The following TMPRSS11B variants were observed in gnomAD, a reference collection of about 807,000 sequenced individuals.
TMPRSS11B encodes the protein transmembrane serine protease 11B.
A neutral mutation model predicts 44.7 loss-of-function variants in TMPRSS11B; 53 were observed. The ratio of observed to expected loss-of-function variants is 1.19; its 90% CI spans 0.95 to 1.49. The LOEUF (loss-of-function observed/expected upper bound fraction) is 1.49, where lower values mean the gene tolerates loss of function less well. Ranked by LOEUF, TMPRSS11B falls within the 40% of genes most tolerant of loss-of-function variation. The pLI is 0.00. For synonymous variants in TMPRSS11B, 140 were observed against 159.2 expected (o/e 0.88, Z 0.91); for missense variants, 526 against 494.8 (o/e 1.06, Z -0.60).
chr4:68,229,146 A>C, intron 8 of TMPRSS11B, 111 bp downstream of exon 8: 1 of 1,188,010 alleles, frequency 8.4e-7, no homozygotes, highest in Non-Finnish European at 1.2e-6. Flanking sequence ...TTTTCTTTTC[A>C]GTATATTTAC....
chr4:68,232,558 G>T, intron 5 of TMPRSS11B, 142 bp from the exon 6 acceptor site: 1 of 665,770 alleles, frequency 1.5e-6, no homozygotes, highest in East Asian at 2.8e-5. Flanking sequence ...GGTATTTTCA[G>T]CCCCTCTGAC....
At position 68,242,960 on chromosome 4, in the gene TMPRSS11B, T is replaced by G. The variant is rs369567927; in HGVS notation, c.9-1156A>C. On this transcript the variant is annotated intron_variant, in intron 1 of 9. Transcript: ENST00000332644. ...TGTTTTATCATCAAAGCCAATCAAT[T>G]AGTTGAAACAGAATTAGAAAATATG... Among the ~76,000 whole-genome samples, 8 of 152,318 alleles carry G rather than the reference T, an allele frequency of 5.3e-5. 2 individuals carry two copies. Among genetic ancestry groups the G allele is most frequent in the African/African-American group, 1.9e-4 (8 of 41,580 alleles).
At chr4:68,243,414 T>C (rs938333060) in intron 1 of TMPRSS11B, among the ~76,000 whole-genome samples, 2 of 152,178 alleles carry the variant, frequency 1.3e-5, no homozygotes, top group African/African-American at 4.8e-5. Context: ...TTCACTCTGT[T>C]CCACATTCTT....
At chr4:68,242,216 AATATTATATTATATTATAT>A (rs1391065403) in intron 1 of TMPRSS11B, among the ~76,000 whole-genome samples, 35 of 73,134 alleles carry the variant, frequency 4.8e-4, no homozygotes, top group Non-Finnish European at 6.8e-4. Context: ...TAATATATAT[AATATTATATTATATTATAT>A]ATATTATATT....
rs1479678028 is a variant in TMPRSS11B at position 68,227,462 on chromosome 4, A to G, written c.*449T>C. The G allele has an allele frequency of 1.5e-5, 2 of 132,138 alleles. No homozygotes were observed. The highest frequency in any genetic ancestry group is 5.8e-5 in the African/African-American group (2 of 34,680). 8.2% of individuals were successfully genotyped at this position (132,138 alleles called of 1,614,324 possible). Reference sequence around the variant, plus strand: ...CACTCTGTTGCCCAGGCTGGAGTGCAGTGGTGGCGCAATCACAAATCACCA... The same window carrying G: ...CACTCTGTTGCCCAGGCTGGAGTGCGGTGGTGGCGCAATCACAAATCACCA... On this transcript the variant is annotated 3_prime_UTR_variant, in exon 10 of 10. Transcript: ENST00000332644.
intron 1 of TMPRSS11B, 137 bp from the exon 2 acceptor site, chr4:68,241,941 T>A (rs1719837199): frequency 5.0e-6 from 3 of 602,572 alleles, no homozygotes; most frequent in East Asian, 2.8e-5. Flanking sequence ...AAACCTCAAA[T>A]GCCTCAAAGA....
At chr4:68,236,091 T>C in intron 3 of TMPRSS11B, 22 bp from the exon 4 acceptor site, 1 of 1,574,214 alleles carries the variant, frequency 6.4e-7, no homozygotes, top group Non-Finnish European at 8.6e-7. Flanking sequence ...AAAAAAACAG[T>C]CATCATGTAT....
At chr4:68,244,488 T>G (rs1488005311) in intron 1 of TMPRSS11B, among the ~76,000 whole-genome samples, 1 of 152,118 alleles carries the variant, frequency 6.6e-6, no homozygotes, top group Non-Finnish European at 1.5e-5. Context: ...CAGCCGGGTG[T>G]GGTGGTGAGC....
chr4:68,235,918 TG>T (rs1719649766), intron 4 of TMPRSS11B, 83 bp downstream of exon 4: 1 of 672,372 alleles, frequency 1.5e-6, no homozygotes, highest in South Asian at 3.6e-5. Context: ...GTTTGTTTTT[TG>T]TTGTTATTGT....
intron 4 of TMPRSS11B, among the ~76,000 whole-genome samples, chr4:68,235,664 G>T (rs532857691): frequency 1.3e-5 from 2 of 152,198 alleles, no homozygotes; most frequent in Middle Eastern, 3.4e-3. Context: ...TGTTTTCCCT[G>T]GAGTTATAAT....
intron 5 of TMPRSS11B, 43 bp from the exon 6 acceptor site, chr4:68,232,459 T>C: frequency 1.3e-6 from 2 of 1,576,304 alleles, no homozygotes; most frequent in Non-Finnish European, 1.7e-6. Context: ...TGAGCAAATA[T>C]CACCAAGCAA....
chr4:68,245,601 A>G lies in TMPRSS11B; in HGVS notation c.-43T>C, dbSNP rs2109968416. 4 of 1,608,750 alleles carry G rather than the reference A, an allele frequency of 2.5e-6. No homozygotes were observed. The highest frequency in any genetic ancestry group is 1.7e-5 in the Admixed American group (1 of 59,896). ...GGCAGTATCAGGTATAACGGTGGTA[A>G]TGATGATGACGAAGATAACGATAAC... On this transcript the variant is annotated 5_prime_UTR_variant, in exon 1 of 10. Coordinates refer to ENST00000332644, the MANE Select transcript of TMPRSS11B (RefSeq NM_182502.3).
chr4:68,238,444 C>T (rs942031667), intron 2 of TMPRSS11B, among the ~76,000 whole-genome samples: 2 of 151,858 alleles, frequency 1.3e-5, no homozygotes, highest in Non-Finnish European at 2.9e-5. Context: ...TAAATTGCAG[C>T]CTGGTGCGGT....
At chr4:68,245,059 G>A (rs1462078608) in intron 1 of TMPRSS11B, among the ~76,000 whole-genome samples, 4 of 152,176 alleles carry the variant, frequency 2.6e-5, no homozygotes, top group Non-Finnish European at 4.4e-5. Context: ...CAGAAAGGAA[G>A]TCATTGGAAA....
intron 2 of TMPRSS11B, among the ~76,000 whole-genome samples, chr4:68,236,480 A>T (rs960543110): frequency 6.6e-6 from 1 of 152,122 alleles, no homozygotes; most frequent in Non-Finnish European, 1.5e-5. Flanking sequence ...TCAACATTCA[A>T]CCCAGCTTTA....
At chr4:68,241,105 A>C (rs1238180727) in intron 2 of TMPRSS11B, among the ~76,000 whole-genome samples, 1 of 152,164 alleles carries the variant, frequency 6.6e-6, no homozygotes, top group African/African-American at 2.4e-5. Context: ...TGGATGTCAA[A>C]TTTATTTTAA....
At chr4:68,243,522 C>A (rs1719918044) in intron 1 of TMPRSS11B, among the ~76,000 whole-genome samples, 1 of 152,120 alleles carries the variant, frequency 6.6e-6, no homozygotes, top group Admixed American at 6.6e-5. Flanking sequence ...TTCAAAGAAA[C>A]TCCTTATTTC....
rs1291102058 is a variant in TMPRSS11B at position 68,242,302 on chromosome 4, AATATATATAATATT to A, written c.9-512_9-499del. On this transcript the variant is annotated intron_variant, in intron 1 of 9. Transcript: ENST00000332644. ...ATATATATTATATTATACATAATAT[AATATATATAATATT>A]ATATATATAATATTATATTATATAT... Among the ~76,000 whole-genome samples the A allele has an allele frequency of 8.1e-5, 5 of 61,894 alleles. 1 individual carries two copies. The highest frequency in any genetic ancestry group is 3.7e-4 in the African/African-American group (5 of 13,614). 40.6% of individuals were successfully genotyped at this position (61,894 alleles called of 152,430 possible).
At chr4:68,239,661 A>G (rs1378582153) in intron 2 of TMPRSS11B, among the ~76,000 whole-genome samples, 5 of 152,206 alleles carry the variant, frequency 3.3e-5, no homozygotes, top group African/African-American at 1.2e-4. Context: ...AAAGTTTATC[A>G]AGTCTTTTTT....
Sources: gnomAD v4.1 joint callset for allele counts (sites outside exome capture counted in the v4.1 genomes callset) on GRCh38, gnomAD v4.1.1 for gene constraint, MANE v1.5 for transcripts, NCBI Gene and HGNC (gene_info 2026-07-23, HGNC 2026-07-21) for gene names.